The following STPG3 variants were observed in gnomAD, a reference collection of about 807,000 sequenced individuals.
STPG3 encodes the protein sperm-tail PG-rich repeat containing 3, also known as protein STPG3.
Under a neutral mutation model 32.5 loss-of-function variants are expected in STPG3, and 39 were observed. That is an observed-to-expected ratio of 1.20 (90% CI 0.93 to 1.57). The LOEUF (loss-of-function observed/expected upper bound fraction) is 1.57. Among genes scored for constraint, STPG3 ranks in the 40% most tolerant of loss-of-function variants. The pLI, the probability that STPG3 is intolerant of heterozygous loss-of-function variation, is 0.00. For missense variants in STPG3, 507 were observed against 407.6 expected (o/e 1.24, Z -2.10); for synonymous variants, 209 against 172.4 (o/e 1.21, Z -1.66).
chr9:137,252,104 C>G lies in STPG3; in HGVS notation c.372C>G (p.His124Gln), dbSNP rs769193616. The change falls in exon 3 of 6, where the codon CAC becomes CAG. Residue 124 changes from histidine (H) to glutamine (Q), a missense_variant. Physicochemically the swap from His to Gln is conservative, Grantham distance 24 (BLOSUM62 0). Coordinates refer to ENST00000412566, the MANE Select transcript of STPG3 (RefSeq NM_001004353.4). Reference sequence around the variant, plus strand: ...TACGAGAGTCCTCCCCACACCCCCACTACAGCATCGGCTGCAAGCACCAGG... The same window carrying G: ...TACGAGAGTCCTCCCCACACCCCCAGTACAGCATCGGCTGCAAGCACCAGG... ...PSVRESSPHP[H>Q]YSIGCKHQGR... 6 of 1,612,308 alleles carry G rather than the reference C, an allele frequency of 3.7e-6. No homozygotes were observed. The highest frequency in any genetic ancestry group is 5.1e-6 in the Non-Finnish European group (6 of 1,179,728).
chr9:137,251,459 A>G, intron 1 of STPG3, 63 bp downstream of exon 1: 2 of 1,251,088 alleles, frequency 1.6e-6, no homozygotes, highest in East Asian at 2.4e-5. Flanking sequence ...GCTGAGGGAC[A>G]GTGTGGGGGG....
At chr9:137,251,591 A>T (rs1452076726) in intron 1 of STPG3, 147 bp from the exon 2 acceptor site, 6 of 994,238 alleles carry the variant, frequency 6.0e-6, no homozygotes, top group Non-Finnish European at 8.3e-6. Flanking sequence ...GGGAGCGGCC[A>T]GGGGCTGAGG....
chr9:137,251,437 A>C, intron 1 of STPG3, 41 bp downstream of exon 1: 3 of 1,456,676 alleles, frequency 2.1e-6, no homozygotes, highest in Non-Finnish European at 2.9e-6. Context: ...GCCAGCTGGG[A>C]GTGGCCAGGG....
At position 137,251,604 on chromosome 9, in the gene STPG3, C is replaced by T; in HGVS notation, c.111-134C>T. 6 of 1,150,646 alleles carry T rather than the reference C, an allele frequency of 5.2e-6. No individual in the cohort carries two copies. In the South Asian group the frequency reaches 9.1e-5, roughly 17 times the overall value. 71.3% of individuals were successfully genotyped at this position (1,150,646 alleles called of 1,614,324 possible). A position where few individuals can be genotyped will look rare whatever the true frequency, so the allele number is the denominator to read the frequency against. On this transcript the variant is annotated intron_variant, in intron 1 of 5. Transcript: ENST00000412566. ...CTGGGAGCGGCCAGGGGCTGAGGGA[C>T]AGTGTGGGGACAGGCTGTGGGGCAC...
Position 137,253,307 on chromosome 9 carries a change from C to T in STPG3, c.*62C>T, listed in dbSNP as rs747108192. On this transcript the variant is annotated 3_prime_UTR_variant, in exon 6 of 6. Transcript: ENST00000412566. ...AGTGGAACCATGGCCTCCCCCGGGG[C>T]TTTCCCAGGCCTCCCCTGGGACTTG... The T allele has an allele frequency of 1.3e-4, 202 of 1,559,556 alleles. No individual in the cohort carries two copies. Among genetic ancestry groups the T allele is most frequent in the Non-Finnish European group, 1.6e-4 (180 of 1,152,992 alleles).
chr9:137,251,741 C>T lies in STPG3; in HGVS notation c.114C>T (p.Pro38=), dbSNP rs1837331761. The T allele has an allele frequency of 1.3e-5, 21 of 1,565,062 alleles. No individual in the cohort carries two copies. Among genetic ancestry groups the T allele is most frequent in the Non-Finnish European group, 1.8e-5 (21 of 1,156,366 alleles). ...LRQTQPEPTQ[P]KASVLLLGPE... is the part of the protein sequence containing the mutation. ...TGGCTGCTGGTCTCCCTTGCAGGCC[C>T]AAGGCATCTGTGCTGTTGTTGGGCC... The change falls in exon 2 of 6, where the codon CCC becomes CCT. Residue 38 remains proline, a synonymous_variant. Coordinates refer to ENST00000412566, the MANE Select transcript of STPG3 (RefSeq NM_001004353.4).
Position 137,253,172 on chromosome 9 carries a change from C to T in STPG3, c.854C>T (p.Ser285Leu), listed in dbSNP as rs751858825. ...GAGGACTGCAACTCACGCTTCCCTT[C>T]GGCGCCTGGCGTGGTCATCCAGGGT... ...HVEDCNSRFP[S>L]APGVVIQGVR... The change falls in exon 6 of 6, where the codon TCG becomes TTG. Residue 285 changes from serine to leucine, a missense_variant. Ser to Leu is a moderately radical substitution (Grantham distance 145). Coordinates refer to ENST00000412566, the MANE Select transcript of STPG3 (RefSeq NM_001004353.4). 1.2e-5 allele frequency: 19 copies of T among 1,603,408 alleles called. No individual in the cohort carries two copies. Among genetic ancestry groups the T allele is most frequent in the South Asian group, 4.4e-5 (4 of 90,138 alleles).
In STPG3 at chr9:137,253,221, C is replaced by T; in HGVS notation, c.903C>T (p.Asp301=). 1 of 1,608,664 alleles carries T rather than the reference C, an allele frequency of 6.2e-7. No individual in the cohort carries two copies. Among genetic ancestry groups the T allele is most frequent in the African/African-American group, 1.3e-5 (1 of 74,972 alleles). The change falls in exon 6 of 6, where the codon GAC becomes GAT. Residue 301 remains aspartate (D), a synonymous_variant. Coordinates refer to ENST00000412566, the MANE Select transcript of STPG3 (RefSeq NM_001004353.4). ...GTGTACGCAGACCCAAGCGCCACGA[C>T]ACAGGCCCCTTCTGCACGCTCTAGA... ...IQGVRRPKRH[D]TGPFCTL is the part of the protein sequence containing the mutation.
Position 137,252,959 on chromosome 9 carries a change from A to T in STPG3, c.790A>T (p.Ser264Cys), listed in dbSNP as rs1212385328. ...SRSPAFTSWL[S>C]TSRTPGPAAY... is the part of the protein sequence containing the mutation. The stretch of plus-strand genomic sequence containing the variant: ...CTCCCCTGCGTTCACCTCCTGGCTC[A>T]GCACCTGTAAGGAGGCCTGGAGAGA... The change falls in exon 5 of 6, where the codon AGC (serine) becomes TGC (cysteine). Residue 264 changes from serine (S) to cysteine (C), a missense_variant. Coordinates refer to ENST00000412566, the MANE Select transcript of STPG3 (RefSeq NM_001004353.4). 4 of 1,596,140 alleles carry T rather than the reference A, an allele frequency of 2.5e-6. No homozygotes were observed. Among genetic ancestry groups the T allele is most frequent in the Non-Finnish European group, 3.4e-6 (4 of 1,171,678 alleles).
Position 137,252,440 on chromosome 9 carries a change from G to A in STPG3, c.407G>A (p.Gly136Asp). 1 of 1,610,208 alleles carries A rather than the reference G, an allele frequency of 6.2e-7. No individual in the cohort carries two copies. The highest frequency in any genetic ancestry group is 8.5e-7 in the Non-Finnish European group (1 of 1,178,484). ...SIGCKHQGRE[G>D]GGRRAWQTLW... Reference sequence around the variant, plus strand: ...TCTCTCCATCCTCCAACTACAGAGGGCGGTGGCCGCAGGGCATGGCAGACT... The same window carrying A: ...TCTCTCCATCCTCCAACTACAGAGGACGGTGGCCGCAGGGCATGGCAGACT... Residue 136 changes from glycine to aspartate, a missense_variant, in exon 4 of 6, where the codon GGC becomes GAC. Coordinates refer to ENST00000412566, the MANE Select transcript of STPG3 (RefSeq NM_001004353.4).
Position 137,251,363 on chromosome 9 carries a change from G to C in STPG3, c.77G>C (p.Gly26Ala). 2 of 1,613,490 alleles carry C rather than the reference G, an allele frequency of 1.2e-6. No homozygotes were observed. The highest frequency in any genetic ancestry group is 1.7e-6 in the Non-Finnish European group (2 of 1,179,682). Residue 26 changes from glycine (G) to alanine (A), a missense_variant, in exon 1 of 6, where the codon GGT (glycine) becomes GCT (alanine). Physicochemically the swap from Gly to Ala is moderately conservative, Grantham distance 60 (BLOSUM62 0). Transcript: ENST00000412566. ...AATGGAGGCAAACACTGGACCCATG[G>C]TCACCTGAGGCAGACACAACCAGAG... ...YINGGKHWTH[G>A]HLRQTQPEPT...
Position 137,252,903 on chromosome 9 carries a change from G to T in STPG3, c.734G>T (p.Ser245Ile). The T allele has an allele frequency of 6.3e-7, 1 of 1,597,924 alleles. No homozygotes were observed. Among genetic ancestry groups the T allele is most frequent in the African/African-American group, 1.3e-5 (1 of 74,682 alleles). The part of the protein sequence containing the change: ...YNILPGSRLQ[S>I]PRSPAFSMSR... ...ATCCTTCCTGGGAGCCGCCTGCAGA[G>T]CCCCCGCTCGCCGGCCTTCTCGATG... The change falls in exon 5 of 6, where the codon AGC (serine) becomes ATC (isoleucine). Residue 245 changes from serine (S) to isoleucine (I), a missense_variant. Ser to Ile is a moderately radical substitution (Grantham distance 142). Coordinates refer to ENST00000412566, the MANE Select transcript of STPG3 (RefSeq NM_001004353.4).
Position 137,252,098 on chromosome 9 carries a change from C to G in STPG3, c.366C>G (p.His122Gln). 1 of 1,612,512 alleles carries G rather than the reference C, an allele frequency of 6.2e-7. No individual in the cohort carries two copies. Residue 122 changes from histidine to glutamine, a missense_variant, in exon 3 of 6, where the codon CAC (histidine) becomes CAG (glutamine). Transcript: ENST00000412566. ...CGTCCGTACGAGAGTCCTCCCCACA[C>G]CCCCACTACAGCATCGGCTGCAAGC... ...PSPSVRESSP[H>Q]PHYSIGCKHQ...
intron 5 of STPG3, 24 bp downstream of exon 5, chr9:137,252,989 G>A: frequency 1.3e-6 from 2 of 1,576,156 alleles, no homozygotes; most frequent in Non-Finnish European, 1.7e-6. Context: ...GAGAGAAGAG[G>A]GCTAGGGATG....
intron 4 of STPG3, 56 bp downstream of exon 4, chr9:137,252,581 T>C (rs2131464132): frequency 2.1e-6 from 3 of 1,455,806 alleles, no homozygotes; most frequent in African/African-American, 2.8e-5. Context: ...GGGCTGGGGG[T>C]TCCAGTGGGG....
chr9:137,251,733 T>C lies in STPG3; in HGVS notation c.111-5T>C. On this transcript the variant is annotated splice_region_variant and splice_polypyrimidine_tract_variant and intron_variant, in intron 1 of 5. Coordinates refer to ENST00000412566, the MANE Select transcript of STPG3 (RefSeq NM_001004353.4). ...TGAGACAGTGGCTGCTGGTCTCCCT[T>C]GCAGGCCCAAGGCATCTGTGCTGTT... 1 of 1,560,100 alleles carries C rather than the reference T, an allele frequency of 6.4e-7. No individual in the cohort carries two copies. Among genetic ancestry groups the C allele is most frequent in the Non-Finnish European group, 8.7e-7 (1 of 1,153,708 alleles).
Position 137,252,494 on chromosome 9 carries a change from C to G in STPG3, c.461C>G (p.Thr154Arg), listed in dbSNP as rs200474160. Residue 154 changes from threonine (T) to arginine (R), a missense_variant, in exon 4 of 6, where the codon ACG becomes AGG. Physicochemically the swap from Thr to Arg is moderately conservative, Grantham distance 71. Transcript: ENST00000412566. The stretch of plus-strand genomic sequence containing the variant: ...TGGTTCCAGAGCGAAAGCCCCTTCA[C>G]GCAGAAAGCTGACTTCGACCAAGAG... The part of the protein sequence containing the change: ...TLWFQSESPF[T>R]QKADFDQEQK... 3.0e-5 allele frequency: 48 copies of G among 1,608,634 alleles called. No individual in the cohort carries two copies. The highest frequency in any genetic ancestry group is 3.9e-5 in the Non-Finnish European group (46 of 1,178,274).
In STPG3 at chr9:137,252,116, C is replaced by T; in HGVS notation, c.384C>T (p.Gly128=). The T allele has an allele frequency of 9.3e-6, 15 of 1,611,456 alleles. No individual in the cohort carries two copies. Among genetic ancestry groups the T allele is most frequent in the Non-Finnish European group, 1.2e-5 (14 of 1,179,596 alleles). ...ESSPHPHYSI[G]CKHQGREGGG... ...CCCCACACCCCCACTACAGCATCGGCTGCAAGCACCAGGGCCGAGGTGTGT... is the reference window on the plus strand; with the variant it reads ...CCCCACACCCCCACTACAGCATCGGTTGCAAGCACCAGGGCCGAGGTGTGT... The change falls in exon 3 of 6, where the codon GGC becomes GGT. Residue 128 remains glycine (G), a synonymous_variant. Transcript: ENST00000412566.
At chr9:137,253,017 G>A in intron 5 of STPG3, 52 bp downstream of exon 5, 1 of 1,544,086 alleles carries the variant, frequency 6.5e-7, no homozygotes, top group Non-Finnish European at 8.8e-7. Context: ...GGTGGGCAAT[G>A]TGAGGACAAG....
Sources: gnomAD v4.1 joint callset for allele counts on GRCh38, gnomAD v4.1.1 for gene constraint, MANE v1.5 for transcripts, NCBI Gene and HGNC (gene_info 2026-07-23, HGNC 2026-07-21) for gene names.